NFASC: variants seen among roughly 807,000 people sequenced by gnomAD.
NFASC encodes the protein neurofascin homolog.
A neutral mutation model predicts 147.5 loss-of-function variants in NFASC; 43 were observed. That is an observed-to-expected ratio of 0.29 (90% CI 0.23 to 0.38). The LOEUF (loss-of-function observed/expected upper bound fraction) is 0.38, where lower values mean the gene tolerates loss of function less well. NFASC is among the 10% of genes least tolerant of loss of function. The pLI is 1.00. For synonymous variants in NFASC, 622 were observed against 665.5 expected (o/e 0.93, Z 1.01); for missense variants, 1,320 against 1,689.0 (o/e 0.78, Z 3.83).
intron 1 of NFASC, among the ~76,000 whole-genome samples, chr1:204,848,866 C>A (rs886664947): frequency 2.4e-4 from 37 of 152,336 alleles, no homozygotes; most frequent in African/African-American, 8.9e-4. Context: ...TCATTATCAT[C>A]CCTACCCCAG....
intron 1 of NFASC, among the ~76,000 whole-genome samples, chr1:204,861,536 C>T (rs2076673156): frequency 6.6e-6 from 1 of 152,210 alleles, no homozygotes; most frequent in Admixed American, 6.5e-5. Flanking sequence ...GTTGCCCAAG[C>T]TGGAGTGCAG....
intron 24 of NFASC, among the ~76,000 whole-genome samples, chr1:204,993,306 G>A (rs561162499): frequency 6.6e-6 from 1 of 152,188 alleles, no homozygotes; most frequent in South Asian, 2.1e-4. Flanking sequence ...TAGTCAACAC[G>A]CCATGTGGAC....
rs766802898 is a variant in NFASC at position 204,980,366 on chromosome 1, C to T, written c.2177-4C>T. On this transcript the variant is annotated splice_polypyrimidine_tract_variant and splice_region_variant and intron_variant, in intron 19 of 29. Transcript: ENST00000339876. ...ACTTGAGCCTGTGTCTGTTTGGGTT[C>T]CAGCCCCCGAGTCCAATCCTGGTGA... 1.9e-6 allele frequency: 3 copies of T among 1,613,102 alleles called. No homozygotes were observed. Among genetic ancestry groups the T allele is most frequent in the Non-Finnish European group, 2.5e-6 (3 of 1,179,478 alleles).
Position 204,874,777 on chromosome 1 carries a change from T to C in NFASC, c.-199-45855T>C, listed in dbSNP as rs72755898. ...TGACATTTAAAGGAGGGCCCGGTGA[T>C]AGAGTCAGCCCCACATTTATAATCA... is the stretch of plus-strand genomic sequence containing the variant. On this transcript the variant is annotated intron_variant, in intron 1 of 29. Coordinates refer to ENST00000339876, the MANE Select transcript of NFASC (RefSeq NM_001005388.3). Among the ~76,000 whole-genome samples the C allele has an allele frequency of 8.2e-3, 1,247 of 152,290 alleles. 17 individuals carry two copies. The highest frequency in any genetic ancestry group is 0.012 in the Non-Finnish European group (794 of 68,034).
chr1:204,963,881 G>A (rs1165197899), intron 8 of NFASC, among the ~76,000 whole-genome samples: 2 of 152,216 alleles, frequency 1.3e-5, no homozygotes, highest in East Asian at 3.9e-4. Context: ...GCATCTGTCT[G>A]TTTGGCTCTG....
chr1:204,939,469 C>G (rs1464635350), intron 2 of NFASC, among the ~76,000 whole-genome samples: 4 of 152,332 alleles, frequency 2.6e-5, no homozygotes, highest in South Asian at 2.1e-4. Flanking sequence ...ATTCTACACT[C>G]TCTCCCAGCA....
chr1:204,834,631 T>A (rs1673166723), intron 1 of NFASC, among the ~76,000 whole-genome samples: 1 of 152,226 alleles, frequency 6.6e-6, no homozygotes, highest in African/African-American at 2.4e-5. Context: ...TTGTTATTTT[T>A]TTTTGAGATC....
At chr1:204,949,167 A>G (rs2093962505) in intron 3 of NFASC, among the ~76,000 whole-genome samples, 1 of 152,130 alleles carries the variant, frequency 6.6e-6, no homozygotes, top group Non-Finnish European at 1.5e-5. Flanking sequence ...TCTTTTCATG[A>G]GTCTTAGTCT....
At chr1:205,001,877 A>G (rs1359422996) in intron 26 of NFASC, among the ~76,000 whole-genome samples, 1 of 152,160 alleles carries the variant, frequency 6.6e-6, no homozygotes, top group African/African-American at 2.4e-5. Flanking sequence ...CAAACCCACC[A>G]TCCTGGCATC....
intron 3 of NFASC, among the ~76,000 whole-genome samples, chr1:204,947,942 ACATATCCTCACATGCTCACACTCATG>A (rs1217616631): frequency 1.3e-5 from 2 of 151,552 alleles, no homozygotes; most frequent in Non-Finnish European, 2.9e-5. Context: ...TCACACCCTC[ACATATCCTCACATGCTCACACTCATG>A]CACACTCACA....
At chr1:204,930,683 A>G (rs1459473109) in intron 2 of NFASC, among the ~76,000 whole-genome samples, 1 of 152,224 alleles carries the variant, frequency 6.6e-6, no homozygotes, top group Non-Finnish European at 1.5e-5. Context: ...ACTGCCACCC[A>G]CTTTCAATGG....
Position 204,954,990 on chromosome 1 carries a change from C to A in NFASC, c.535+39C>A, listed in dbSNP as rs1458068950. The A allele has an allele frequency of 1.9e-6, 3 of 1,610,534 alleles. No homozygotes were observed. The highest frequency in any genetic ancestry group is 2.5e-6 in the Non-Finnish European group (3 of 1,177,692). On this transcript the variant is annotated intron_variant, in intron 7 of 29. Coordinates refer to ENST00000339876, the MANE Select transcript of NFASC (RefSeq NM_001005388.3). The surrounding 1 kb of genome is among the most constrained non-coding windows in gnomAD (Gnocchi z 5.7). ...GCCTGGTGTTGTGTTTATATCTTAACCTTAGGGGGTGGGGTGGGTGTGTTA... is the reference window on the plus strand; with the variant it reads ...GCCTGGTGTTGTGTTTATATCTTAAACTTAGGGGGTGGGGTGGGTGTGTTA...
intron 1 of NFASC, among the ~76,000 whole-genome samples, chr1:204,843,227 G>C (rs1675894792): frequency 6.6e-6 from 1 of 152,146 alleles, no homozygotes; most frequent in East Asian, 1.9e-4. Flanking sequence ...ACCAATATAG[G>C]CCAAGGACTA....
At chr1:204,907,468 C>G (rs1016290364) in intron 1 of NFASC, among the ~76,000 whole-genome samples, 2 of 152,166 alleles carry the variant, frequency 1.3e-5, no homozygotes, top group African/African-American at 4.8e-5. Context: ...TGGACTAGCC[C>G]CTCCCTGCCC....
At chr1:204,970,512 G>A (rs2095200479) in intron 10 of NFASC, 104 bp from the exon 11 acceptor site, 2 of 1,360,690 alleles carry the variant, frequency 1.5e-6, no homozygotes, top group Admixed American at 3.6e-5. Flanking sequence ...AGCACGTGGT[G>A]CTGGGACTCA....
At chr1:204,988,870 A>C (rs1407150187) in intron 23 of NFASC, 64 bp downstream of exon 23, 1 of 1,485,912 alleles carries the variant, frequency 6.7e-7, no homozygotes, top group East Asian at 2.3e-5. Context: ...CTAGAGAAAC[A>C]CTGAGATCTG....
intron 10 of NFASC, 132 bp downstream of exon 10, chr1:204,969,114 A>T: frequency 1.3e-6 from 1 of 771,558 alleles, no homozygotes; most frequent in Non-Finnish European, 2.1e-6. Context: ...GGCAATGGCG[A>T]TCTGCCATGG....
chr1:204,967,124 A>G (rs1468621418), intron 8 of NFASC, among the ~76,000 whole-genome samples: 1 of 151,582 alleles, frequency 6.6e-6, no homozygotes, highest in Non-Finnish European at 1.5e-5. Context: ...CCTCCCCTCC[A>G]CCTTTCCCTT....
intron 3 of NFASC, chr1:204,946,998 A>G (rs748843598): frequency 8.4e-6 from 3 of 356,714 alleles, no homozygotes; most frequent in Non-Finnish European, 1.7e-5. Context: ...CACCTGTCTC[A>G]TAAGGTTGAC....
Sources: allele counts gnomAD v4.1 joint callset (sites outside exome capture counted in the v4.1 genomes callset), GRCh38; gene constraint gnomAD v4.1.1; non-coding constraint Gnocchi (gnomAD v3.1); transcripts MANE v1.5; gene names NCBI Gene and HGNC (gene_info 2026-07-23, HGNC 2026-07-21).